Variants in C22orf42 observed in about 807,000 individuals in gnomAD.
C22orf42 encodes the protein uncharacterized protein C22orf42.
A neutral mutation model predicts 31.4 loss-of-function variants in C22orf42; 24 were observed. The observed-to-expected ratio is 0.77, with a 90% CI of 0.55 to 1.08. C22orf42 has a LOEUF of 1.08. C22orf42 is among the 50% of genes least tolerant of loss of function. The pLI is 0.00. For missense variants in C22orf42, 276 were observed against 327.3 expected (o/e 0.84, Z 1.21); for synonymous variants, 96 against 112.7 (o/e 0.85, Z 0.94).
intron 6 of C22orf42, 162 bp from the exon 7 acceptor site, chr22:32,150,641 A>G: frequency 4.3e-6 from 3 of 690,136 alleles, no homozygotes; most frequent in South Asian, 3.8e-5. Context: ...AGGAAGGCAA[A>G]GGAGAAGGGC....
intron 1 of C22orf42, among the ~76,000 whole-genome samples, chr22:32,156,671 T>C (rs924628488): frequency 1.4e-5 from 2 of 138,570 alleles, no homozygotes; most frequent in Admixed American, 7.5e-5. Context: ...AATCACTCCA[T>C]AGCAGTAAAA....
chr22:32,152,670 G>A, intron 2 of C22orf42, 44 bp from the exon 3 acceptor site: 1 of 1,589,482 alleles, frequency 6.3e-7, no homozygotes, highest in Non-Finnish European at 8.6e-7. Context: ...GTGCTGCTGA[G>A]GAATCCCACA....
intron 2 of C22orf42, among the ~76,000 whole-genome samples, chr22:32,153,685 A>C (rs1195921069): frequency 1.3e-5 from 2 of 152,234 alleles, no homozygotes; most frequent in Non-Finnish European, 2.9e-5. Flanking sequence ...CATAATCCTA[A>C]GTATTTCCTC....
intron 2 of C22orf42, among the ~76,000 whole-genome samples, 170 bp from the exon 3 acceptor site, chr22:32,152,796 G>A (rs910738674): frequency 2.0e-5 from 3 of 152,126 alleles, no homozygotes; most frequent in African/African-American, 4.8e-5. Flanking sequence ...GCAAAGGAGA[G>A]GGGCAGAAAG....
Position 32,149,372 on chromosome 22 carries a change from G to C in C22orf42, c.*168C>G, listed in dbSNP as rs2149510053. ...GAATGAAATGTAAGAACACCAGGCT[G>C]CAAGAGGACTGGCTGCAGCCACAAA... On this transcript the variant is annotated 3_prime_UTR_variant, in exon 9 of 9. Coordinates refer to ENST00000382097, the MANE Select transcript of C22orf42 (RefSeq NM_001010859.3). The C allele has an allele frequency of 1.3e-6, 1 of 748,238 alleles. No homozygotes were observed. Among genetic ancestry groups the C allele is most frequent in the South Asian group, 4.5e-5 (1 of 22,210 alleles). The allele number at this position is 748,238 out of a possible 1,614,324, so 46.3% of individuals were successfully genotyped here.
chr22:32,157,913 C>T (rs1179052485), intron 1 of C22orf42, among the ~76,000 whole-genome samples: 5 of 152,394 alleles, frequency 3.3e-5, no homozygotes, highest in East Asian at 3.9e-4. Context: ...GGTGACTGCA[C>T]TATTCGTCCT....
intron 7 of C22orf42, 181 bp from the exon 8 acceptor site, chr22:32,149,961 T>C: frequency 3.8e-6 from 2 of 523,802 alleles, no homozygotes; most frequent in Non-Finnish European, 6.7e-6. Context: ...ATGGAATATT[T>C]AGTAAGTCCA....
intron 2 of C22orf42, among the ~76,000 whole-genome samples, chr22:32,153,907 C>T (rs1021116453): frequency 2.0e-5 from 3 of 151,428 alleles, no homozygotes; most frequent in Non-Finnish European, 4.4e-5. Context: ...GCCTTATGGC[C>T]AGCTACTTGG....
At chr22:32,151,048 C>T (rs371966703) in intron 5 of C22orf42, 29 bp from the exon 6 acceptor site, 75 of 1,609,668 alleles carry the variant, frequency 4.7e-5, no homozygotes, top group Non-Finnish European at 5.8e-5. Flanking sequence ...AAAAGAAACA[C>T]CATGAGGATC....
intron 1 of C22orf42, among the ~76,000 whole-genome samples, 171 bp from the exon 2 acceptor site, chr22:32,154,489 T>C (rs1921154402): frequency 6.6e-6 from 1 of 152,232 alleles, no homozygotes; most frequent in African/African-American, 2.4e-5. Flanking sequence ...CTGAATTAGA[T>C]TTGGGTTCTT....
At chr22:32,157,425 A>G (rs1489024906) in intron 1 of C22orf42, among the ~76,000 whole-genome samples, 1 of 151,634 alleles carries the variant, frequency 6.6e-6, no homozygotes, top group Non-Finnish European at 1.5e-5. Context: ...GCCTTAGCCC[A>G]TCATATTCAT....
At chr22:32,154,386 G>A in intron 1 of C22orf42, 68 bp from the exon 2 acceptor site, 1 of 1,549,478 alleles carries the variant, frequency 6.5e-7, no homozygotes, top group East Asian at 2.3e-5. Flanking sequence ...TGCTTGACAT[G>A]TTGCTGGCAG....
At chr22:32,159,427 C>T (rs1921476565), upstream of C22orf42, 3 of 1,413,396 alleles carry the variant, frequency 2.1e-6, no homozygotes, top group Non-Finnish European at 2.8e-6. Flanking sequence ...CACCAAATGC[C>T]TCACAATGCC....
chr22:32,159,699 T>C (rs906949355), upstream of C22orf42, among the ~76,000 whole-genome samples: 2 of 152,238 alleles, frequency 1.3e-5, no homozygotes, highest in Non-Finnish European at 2.9e-5. Flanking sequence ...GCTTTGTAAG[T>C]AAATGCTTCT....
At position 32,149,613 on chromosome 22, in the gene C22orf42, C is replaced by T; in HGVS notation, c.683G>A (p.Cys228Tyr). The change falls in exon 9 of 9, where the codon TGC becomes TAC. Residue 228 changes from cysteine (C) to tyrosine (Y), a missense_variant and splice_region_variant. By Grantham distance (194) the Cys-to-Tyr change is radical. Coordinates refer to ENST00000382097, the MANE Select transcript of C22orf42 (RefSeq NM_001010859.3). ...MAKERYEDYL[C>Y]WVKMARSRLN... ...CCGAGACCGTGCCATCTTAACCCAGCCTAGGGGAAAAGAACAAGACTTCAT... is the reference window on the plus strand; with the variant it reads ...CCGAGACCGTGCCATCTTAACCCAGTCTAGGGGAAAAGAACAAGACTTCAT... 1 of 1,486,494 alleles carries T rather than the reference C, an allele frequency of 6.7e-7. No individual in the cohort carries two copies. Among genetic ancestry groups the T allele is most frequent in the Non-Finnish European group, 9.0e-7 (1 of 1,109,586 alleles). 92.1% of individuals were successfully genotyped at this position (1,486,494 alleles called of 1,614,324 possible).
At position 32,149,514 on chromosome 22, in the gene C22orf42, G is replaced by A. The variant is rs143839138; in HGVS notation, c.*26C>T. ...ATTTGAGCTGGGCGTGATGGCAGGCGTCTGTAATCCCAGCTACTTGGAACA... is the reference window on the plus strand; with the variant it reads ...ATTTGAGCTGGGCGTGATGGCAGGCATCTGTAATCCCAGCTACTTGGAACA... On this transcript the variant is annotated 3_prime_UTR_variant, in exon 9 of 9. Transcript: ENST00000382097. 3.0e-3 allele frequency: 4,594 copies of A among 1,514,042 alleles called. 8 individuals are homozygous for A. The highest frequency in any genetic ancestry group is 3.6e-3 in the Non-Finnish European group (4,078 of 1,123,826). 93.8% of individuals were successfully genotyped at this position (1,514,042 alleles called of 1,614,324 possible).
At chr22:32,151,761 G>A (rs949707037) in intron 4 of C22orf42, among the ~76,000 whole-genome samples, 4 of 152,126 alleles carry the variant, frequency 2.6e-5, no homozygotes, top group Non-Finnish European at 4.4e-5. Context: ...TTCCAGCTAG[G>A]GCAACCTCAT....
Position 32,150,987 on chromosome 22 carries a change from C to T in C22orf42, c.493+5G>A, listed in dbSNP as rs772849724. Reference sequence around the variant, plus strand: ...AAATAAAGCTGTTTAAAAAAAAATACGTACGGTGGTCGTGCTTGGCCTCAG... The same window carrying T: ...AAATAAAGCTGTTTAAAAAAAAATATGTACGGTGGTCGTGCTTGGCCTCAG... On this transcript the variant is annotated splice_donor_5th_base_variant and intron_variant, in intron 6 of 8. Transcript: ENST00000382097. 12 of 1,610,382 alleles carry T rather than the reference C, an allele frequency of 7.5e-6. No homozygotes were observed. The African/African-American group carries it at 8.0e-5, about 11-fold the overall frequency.
chr22:32,159,232 CA>C lies in C22orf42; in HGVS notation c.-18del, dbSNP rs777146793. ...GCTCCCCATTGGGCACCTAAACACA[CA>C]AAAAAGTCCAAGAGGCACAAGGACA... On this transcript the variant is annotated 5_prime_UTR_variant, in exon 1 of 9. Transcript: ENST00000382097. 32 of 1,609,254 alleles carry C rather than the reference CA, an allele frequency of 2.0e-5. No homozygotes were observed. Among genetic ancestry groups the C allele is most frequent in the Admixed American group, 5.0e-5 (3 of 59,688 alleles).
Sources: gnomAD v4.1 joint callset for allele counts (sites outside exome capture counted in the v4.1 genomes callset) on GRCh38, gnomAD v4.1.1 for gene constraint, MANE v1.5 for transcripts, NCBI Gene and HGNC (gene_info 2026-07-23, HGNC 2026-07-21) for gene names.